Variants in TSC22D2 observed in about 807,000 individuals in gnomAD.
The protein encoded by TSC22D2 is TSC22 domain family member 2.
In TSC22D2, 5 loss-of-function variants were observed where a neutral mutation model predicts 50.1. The observed-to-expected ratio is 0.10, with a 90% CI of 0.05 to 0.21. TSC22D2 has a LOEUF of 0.21. Ranked by LOEUF, TSC22D2 falls within the 10% of genes least tolerant of loss-of-function variation. TSC22D2 has a pLI of 1.00. For missense variants in TSC22D2, 1,003 were observed against 1,015.5 expected (o/e 0.99, Z 0.17); for synonymous variants, 501 against 450.1 (o/e 1.11, Z -1.43).
At chr3:150,454,278 A>G (rs188658157) in intron 1 of TSC22D2, among the ~76,000 whole-genome samples, 1 of 152,310 alleles carries the variant, frequency 6.6e-6, no homozygotes. Context: ...CTGCAAAGCC[A>G]AGGAAACCCG....
chr3:150,429,331 C>T (rs10513375), intron 1 of TSC22D2, among the ~76,000 whole-genome samples: 22,893 of 152,054 alleles, frequency 0.15, 1,906 homozygotes, highest in Non-Finnish European at 0.2. Flanking sequence ...ATCTTAAAAA[C>T]TAGTGAATTC....
intron 1 of TSC22D2, among the ~76,000 whole-genome samples, chr3:150,449,979 T>A (rs1464960309): frequency 6.6e-6 from 1 of 151,440 alleles, no homozygotes; most frequent in Non-Finnish European, 1.5e-5. Flanking sequence ...TTTTTAACTT[T>A]AAAAAAAAAT....
chr3:150,448,975 A>G (rs1218564564), intron 1 of TSC22D2, among the ~76,000 whole-genome samples: 1 of 151,848 alleles, frequency 6.6e-6, no homozygotes, highest in Non-Finnish European at 1.5e-5. Context: ...CTTTACCACA[A>G]ATTTTTACCA....
chr3:150,421,331 C>T (rs1249745429), intron 1 of TSC22D2, among the ~76,000 whole-genome samples: 1 of 150,876 alleles, frequency 6.6e-6, no homozygotes, highest in Non-Finnish European at 1.5e-5. Context: ...TTTTATAAAA[C>T]AAAAACAACA....
At chr3:150,434,955 G>A (rs1427830868) in intron 1 of TSC22D2, among the ~76,000 whole-genome samples, 1 of 151,910 alleles carries the variant, frequency 6.6e-6, no homozygotes, top group Non-Finnish European at 1.5e-5. Flanking sequence ...TGTGTGTTAT[G>A]TGTCTTTTTA....
intron 1 of TSC22D2, among the ~76,000 whole-genome samples, chr3:150,437,491 C>A (rs1002117817): frequency 6.6e-6 from 1 of 151,906 alleles, no homozygotes; most frequent in Non-Finnish European, 1.5e-5. Flanking sequence ...GTTACTGATC[C>A]AGCCACCCAT....
At chr3:150,434,180 G>A (rs1387913646) in intron 1 of TSC22D2, among the ~76,000 whole-genome samples, 23 of 146,636 alleles carry the variant, frequency 1.6e-4, no homozygotes, top group Non-Finnish European at 2.8e-4. Flanking sequence ...ACAGAGTCTT[G>A]CTCTGTCACC....
chr3:150,462,274 T>C lies in TSC22D2; in HGVS notation c.*3638T>C, dbSNP rs1270434911. ...CAAGGCTCCTAGGGCAGCCACAGAA[T>C]TGCATTGGAGACAGGCAGGCAGTGA... On this transcript the variant is annotated 3_prime_UTR_variant, in exon 3 of 3. Coordinates refer to ENST00000688009, the MANE Select transcript of TSC22D2 (RefSeq NM_001303264.2). The C allele has an allele frequency of 1.3e-5, 2 of 152,148 alleles. No homozygotes were observed. Among genetic ancestry groups the C allele is most frequent in the Non-Finnish European group, 2.9e-5 (2 of 68,036 alleles). The allele number at this position is 152,148 out of a possible 1,614,324, so 9.4% of individuals were successfully genotyped here.
chr3:150,429,053 A>G (rs1003711688), intron 1 of TSC22D2, among the ~76,000 whole-genome samples: 3 of 152,136 alleles, frequency 2.0e-5, no homozygotes, highest in Admixed American at 1.3e-4. Context: ...TTTCGTCATT[A>G]TTGGCTGTGA....
chr3:150,452,412 C>G (rs1410447400), intron 1 of TSC22D2, among the ~76,000 whole-genome samples: 1 of 151,922 alleles, frequency 6.6e-6, no homozygotes, highest in Non-Finnish European at 1.5e-5. Context: ...GCCATTTCAC[C>G]CCAGCCTGGG....
At chr3:150,445,162 G>C (rs1034853637) in intron 1 of TSC22D2, among the ~76,000 whole-genome samples, 1 of 151,650 alleles carries the variant, frequency 6.6e-6, no homozygotes, top group Non-Finnish European at 1.5e-5. Flanking sequence ...AAGAAGATCC[G>C]TAAGAATGTT....
rs1719403214 is a variant in TSC22D2 at position 150,409,324 on chromosome 3, CCT to C, written c.-22_-21del. 2 of 1,561,722 alleles carry C rather than the reference CCT, an allele frequency of 1.3e-6. No individual in the cohort carries two copies. The highest frequency in any genetic ancestry group is 1.4e-5 in the African/African-American group (1 of 73,108). ...GACAGGACCCAGAGGAGCCGGCGTG[CCT>C]CTCTGCCCTCCAGCCTTCTTCACCA... On this transcript the variant is annotated 5_prime_UTR_variant, in exon 1 of 3. Transcript: ENST00000688009. The surrounding 1 kb of genome is among the most constrained non-coding windows in gnomAD (Gnocchi z 7.4).
rs563430521 is a variant in TSC22D2 at position 150,445,662 on chromosome 3, T to G, written c.1959-11414T>G. Among the ~76,000 whole-genome samples, 18 of 152,316 alleles carry G rather than the reference T, an allele frequency of 1.2e-4. No individual in the cohort carries two copies. The South Asian group carries it at 2.3e-3, about 19-fold the overall frequency. On this transcript the variant is annotated intron_variant, in intron 1 of 2. Coordinates refer to ENST00000688009, the MANE Select transcript of TSC22D2 (RefSeq NM_001303264.2). Reference sequence around the variant, plus strand: ...AAATGATAAAAGGAACTAATTGGGTTGTTGTGTGTACTGTTGTAAACAGTC... The same window carrying G: ...AAATGATAAAAGGAACTAATTGGGTGGTTGTGTGTACTGTTGTAAACAGTC...
chr3:150,410,183 C>G lies in TSC22D2; in HGVS notation c.833C>G (p.Pro278Arg), dbSNP rs1360239067. ...AGCGTTGGGCAGCCACAGCCGCCGC[C>G]GCCACCCGTAGGTGGGGCTGTGGCT... ...SFSVGQPQPP[P>R]PPVGGAVAQS... The change falls in exon 1 of 3, where the codon CCG becomes CGG. Residue 278 changes from proline to arginine, a missense_variant. By Grantham distance (103) the Pro-to-Arg change is moderately radical. Transcript: ENST00000688009. The G allele has an allele frequency of 6.2e-7, 1 of 1,607,820 alleles. No homozygotes were observed. The highest frequency in any genetic ancestry group is 1.3e-5 in the African/African-American group (1 of 74,852).
Position 150,410,698 on chromosome 3 carries a change from G to C in TSC22D2, c.1348G>C (p.Ala450Pro). The change falls in exon 1 of 3, where the codon GCG (alanine) becomes CCG (proline). Residue 450 changes from alanine to proline, a missense_variant. Physicochemically the swap from Ala to Pro is conservative, Grantham distance 27. Around this residue, in one of 6 missense-constraint regions of TSC22D2, gnomAD observed 696 missense variants for 647.8 expected, o/e 1.07. Coordinates refer to ENST00000688009, the MANE Select transcript of TSC22D2 (RefSeq NM_001303264.2). ...RTGPAQGGQV[A>P]PCQPTGVPPA... ...GGGACCAGCGCAAGGCGGGCAGGTC[G>C]CGCCTTGTCAGCCGACTGGAGTGCC... The C allele has an allele frequency of 6.4e-7, 1 of 1,571,422 alleles. No individual in the cohort carries two copies. The highest frequency in any genetic ancestry group is 2.4e-5 in the East Asian group (1 of 42,210).
At position 150,409,937 on chromosome 3, in the gene TSC22D2, C is replaced by G. The variant is rs764606154; in HGVS notation, c.587C>G (p.Thr196Ser). ...AGGGATTCAGACAGCAGCGTCCTGA[C>G]TAGATCCGGGGATTGCATTAGACAC... ...YERDSDSSVL[T>S]RSGDCIRHSS... The change falls in exon 1 of 3, where the codon ACT (threonine) becomes AGT (serine). Residue 196 changes from threonine to serine, a missense_variant. Around this residue, in one of 6 missense-constraint regions of TSC22D2, gnomAD observed 696 missense variants for 647.8 expected, o/e 1.07. Transcript: ENST00000688009. The surrounding 1 kb of genome is among the most constrained non-coding windows in gnomAD (Gnocchi z 7.4). 1 of 1,613,988 alleles carries G rather than the reference C, an allele frequency of 6.2e-7. No individual in the cohort carries two copies.
chr3:150,451,729 A>G (rs1290479100), intron 1 of TSC22D2, among the ~76,000 whole-genome samples: 1 of 152,168 alleles, frequency 6.6e-6, no homozygotes, highest in African/African-American at 2.4e-5. Flanking sequence ...GCTTATTGTA[A>G]GGACTCATTA....
chr3:150,436,384 C>G (rs1720545577), intron 1 of TSC22D2, among the ~76,000 whole-genome samples: 1 of 151,714 alleles, frequency 6.6e-6, no homozygotes, highest in Non-Finnish European at 1.5e-5. Flanking sequence ...GGCCCTTTAA[C>G]AAAAGGTCAA....
At chr3:150,445,563 T>C (rs921646379) in intron 1 of TSC22D2, among the ~76,000 whole-genome samples, 10 of 152,156 alleles carry the variant, frequency 6.6e-5, no homozygotes, top group African/African-American at 2.2e-4. Flanking sequence ...CCTTGGGAGA[T>C]TAACTCTTAT....
Sources: gnomAD v4.1 joint callset for allele counts (sites outside exome capture counted in the v4.1 genomes callset) on GRCh38, gnomAD v4.1.1 for gene constraint, gnomAD v4.1.1 regional missense constraint, Gnocchi (gnomAD v3.1) non-coding constraint, MANE v1.5 for transcripts, NCBI Gene and HGNC (gene_info 2026-07-23, HGNC 2026-07-21) for gene names.